JAKMIP3: variants seen among roughly 807,000 people sequenced by gnomAD.
The protein encoded by JAKMIP3 is Janus kinase and microtubule interacting protein 3.
JAKMIP3 carries 58 observed loss-of-function variants against 118.5 expected under a neutral mutation model. The observed-to-expected ratio is 0.49, with a 90% CI of 0.40 to 0.61. The LOEUF is 0.61. JAKMIP3 is among the 20% of genes least tolerant of loss of function. JAKMIP3 has a pLI of 0.00. For synonymous variants in JAKMIP3, 486 were observed against 451.2 expected (o/e 1.08, Z -0.98); for missense variants, 950 against 1,109.0 (o/e 0.86, Z 2.04).
At position 132,133,322 on chromosome 10, in the gene JAKMIP3, T is replaced by C. The variant is rs372381756; in HGVS notation, c.644T>C (p.Ile215Thr). The C allele has an allele frequency of 6.3e-7, 1 of 1,586,982 alleles. No individual in the cohort carries two copies. ...EREIRRLMEEIKFKDRAVFVL... is the reference protein window; with the variant it reads ...EREIRRLMEETKFKDRAVFVL... Reference sequence around the variant, plus strand: ...CTGTTCTCCTTGTAGATGGAGGAGATAAAATTTAAAGACAGAGCAGTCTTC... The same window carrying C: ...CTGTTCTCCTTGTAGATGGAGGAGACAAAATTTAAAGACAGAGCAGTCTTC... Residue 215 changes from isoleucine to threonine, a missense_variant, in exon 4 of 24, where the codon ATA becomes ACA. By Grantham distance (89) the Ile-to-Thr change is moderately conservative (BLOSUM62 -1). Transcript: ENST00000684848.
chr10:132,145,483 T>C (rs2054418871), intron 12 of JAKMIP3, 35 bp from the exon 13 acceptor site: 1 of 1,531,728 alleles, frequency 6.5e-7, no homozygotes, highest in Non-Finnish European at 8.9e-7. Flanking sequence ...AGTTCCTCCC[T>C]CAGTGTCTTT....
chr10:132,148,635 C>T (rs1022604414), intron 14 of JAKMIP3, among the ~76,000 whole-genome samples: 13 of 152,168 alleles, frequency 8.5e-5, no homozygotes, highest in South Asian at 2.1e-4. Flanking sequence ...GGGGGCCACG[C>T]GGTGACTGGG....
chr10:132,136,183 T>C, intron 6 of JAKMIP3, 107 bp downstream of exon 6: 4 of 1,203,996 alleles, frequency 3.3e-6, no homozygotes, highest in African/African-American at 1.5e-5. Context: ...CCCGGGCGGG[T>C]GGCCAGGCCT....
chr10:132,109,207 G>C (rs540792492), intron 2 of JAKMIP3, among the ~76,000 whole-genome samples: 3 of 151,956 alleles, frequency 2.0e-5, no homozygotes, highest in African/African-American at 7.2e-5. Context: ...TCTCAGCTAC[G>C]TGGGAGGATG....
chr10:132,066,842 G>T (rs969087439), intron 1 of JAKMIP3, among the ~76,000 whole-genome samples: 2 of 152,172 alleles, frequency 1.3e-5, no homozygotes, highest in African/African-American at 4.8e-5. Flanking sequence ...AGGTAACTTG[G>T]CAGTACGTTG....
intron 1 of JAKMIP3, among the ~76,000 whole-genome samples, chr10:132,050,642 G>C (rs1888120): frequency 6.6e-6 from 1 of 151,916 alleles, no homozygotes; most frequent in Non-Finnish European, 1.5e-5. Context: ...ATTTGGGGGG[G>C]GTTGATTATG....
chr10:132,061,456 T>C (rs997326593), upstream of JAKMIP3, among the ~76,000 whole-genome samples: 2 of 152,274 alleles, frequency 1.3e-5, no homozygotes, highest in Non-Finnish European at 2.9e-5. Flanking sequence ...GAGATGTCAT[T>C]TCTTTCCCGG....
At chr10:132,082,169 TG>T (rs10600838) in intron 1 of JAKMIP3, among the ~76,000 whole-genome samples, 10,383 of 146,708 alleles carry the variant, frequency 0.071, 759 homozygotes, top group East Asian at 0.19. Context: ...ATTGTTTGTT[TG>T]GGGGGGGGGG....
In JAKMIP3 at chr10:132,135,994, G is replaced by T. The variant is rs779686490; in HGVS notation, c.1034G>T (p.Ser345Ile). ...KPLLDKNKRL[S>I]RKNEDLSHAL... ...CTGCTGGATAAAAACAAGCGCCTCA[G>T]TCGGAAGAACGAGGATTTGTCTCAT... The change falls in exon 6 of 24, where the codon AGT (serine) becomes ATT (isoleucine). Residue 345 changes from serine (S) to isoleucine (I), a missense_variant. Coordinates refer to ENST00000684848, the MANE Select transcript of JAKMIP3 (RefSeq NM_001323087.2). The T allele has an allele frequency of 2.6e-5, 42 of 1,613,538 alleles. No individual in the cohort carries two copies. The highest frequency in any genetic ancestry group is 3.2e-5 in the Non-Finnish European group (38 of 1,179,778).
At chr10:132,051,813 C>T (rs547994971) in intron 1 of JAKMIP3, among the ~76,000 whole-genome samples, 1 of 152,292 alleles carries the variant, frequency 6.6e-6, no homozygotes, top group South Asian at 2.1e-4. Context: ...CGCCACATTG[C>T]CCAGGTTGCT....
intron 1 of JAKMIP3, among the ~76,000 whole-genome samples, chr10:132,089,814 T>C (rs2042883018): frequency 1.3e-5 from 2 of 152,338 alleles, no homozygotes; most frequent in Admixed American, 1.3e-4. Flanking sequence ...CTTCCAGATT[T>C]TGCCCATTCA....
At position 132,180,568 on chromosome 10, in the gene JAKMIP3, CGTGTGTGTGT is replaced by C. The variant is rs1211647270; in HGVS notation, c.*1104-1787_*1104-1778del. Among the ~76,000 whole-genome samples, 7 of 22,312 alleles carry C rather than the reference CGTGTGTGTGT, an allele frequency of 3.1e-4. 1 individual carries two copies. The highest frequency in any genetic ancestry group is 4.8e-3 in the East Asian group (2 of 418). 14.6% of individuals were successfully genotyped at this position (22,312 alleles called of 152,430 possible). A position where few individuals can be genotyped will look rare whatever the true frequency, so the allele number is the denominator to read the frequency against. On this transcript the variant is annotated intron_variant, in intron 23 of 23. Transcript: ENST00000684848. ...GTGCGTGCGTGCATGCGTGTGTGTG[CGTGTGTGTGT>C]GCGTGCGCGTGTGTGTGTGCGTGCG...
Position 132,076,367 on chromosome 10 carries a change from T to C in JAKMIP3, c.-138+10306T>C, listed in dbSNP as rs1395870999. Among the ~76,000 whole-genome samples, 3 of 152,282 alleles carry C rather than the reference T, an allele frequency of 2.0e-5. 1 individual carries two copies. Among genetic ancestry groups the C allele is most frequent in the Non-Finnish European group, 4.4e-5 (3 of 68,050 alleles). The stretch of plus-strand genomic sequence containing the variant: ...ATTCCTTTTCATTGCTGGAATAATA[T>C]CCTATCACGTGGATAGACCGTTTTT... On this transcript the variant is annotated intron_variant, in intron 1 of 23. Coordinates refer to ENST00000684848, the MANE Select transcript of JAKMIP3 (RefSeq NM_001323087.2).
upstream of JAKMIP3, among the ~76,000 whole-genome samples, chr10:132,063,616 T>C (rs1289149909): frequency 6.6e-6 from 1 of 152,102 alleles, no homozygotes; most frequent in Non-Finnish European, 1.5e-5. Flanking sequence ...TCAGCCAGCG[T>C]GGGGATTTGG....
intron 17 of JAKMIP3, among the ~76,000 whole-genome samples, chr10:132,153,394 C>T (rs779796135): frequency 1.8e-4 from 28 of 152,216 alleles, no homozygotes; most frequent in Non-Finnish European, 2.5e-4. Flanking sequence ...GCCTGGTGAG[C>T]TGGGCCTCCC....
intron 23 of JAKMIP3, among the ~76,000 whole-genome samples, chr10:132,180,348 C>A (rs529586382): frequency 6.9e-6 from 1 of 144,862 alleles, no homozygotes; most frequent in East Asian, 2.2e-4. Flanking sequence ...CTGCCTCCCA[C>A]CTGTCCTGTG....
chr10:132,081,821 C>G (rs1467205755), intron 1 of JAKMIP3, among the ~76,000 whole-genome samples: 1 of 152,050 alleles, frequency 6.6e-6, no homozygotes, highest in African/African-American at 2.4e-5. Flanking sequence ...GCACAGAGAA[C>G]CACACGTCGC....
chr10:132,054,350 G>A (rs1300569039), intron 1 of JAKMIP3, among the ~76,000 whole-genome samples: 1 of 152,132 alleles, frequency 6.6e-6, no homozygotes, highest in Non-Finnish European at 1.5e-5. Flanking sequence ...TAAAAAAAGG[G>A]CGTGTGTAGG....
At chr10:132,098,553 G>A (rs1361460340) in intron 1 of JAKMIP3, among the ~76,000 whole-genome samples, 1 of 152,224 alleles carries the variant, frequency 6.6e-6, no homozygotes, top group Non-Finnish European at 1.5e-5. Flanking sequence ...CCATCTTGAA[G>A]CATCTTTAGC....
Sources: gnomAD v4.1 joint callset for allele counts (sites outside exome capture counted in the v4.1 genomes callset) on GRCh38, gnomAD v4.1.1 for gene constraint, MANE v1.5 for transcripts, NCBI Gene and HGNC (gene_info 2026-07-23, HGNC 2026-07-21) for gene names.